The following SHOC1 variants were observed in gnomAD, a reference collection of about 807,000 sequenced individuals.
SHOC1 encodes protein shortage in chiasmata 1 ortholog.
Under a neutral mutation model 179.2 loss-of-function variants are expected in SHOC1, and 136 were observed. The ratio of observed to expected loss-of-function variants is 0.76; its 90% CI spans 0.66 to 0.87. The LOEUF (loss-of-function observed/expected upper bound fraction) is 0.87, where lower values mean the gene tolerates loss of function less well. Ranked by LOEUF, SHOC1 falls within the 40% of genes least tolerant of loss-of-function variation. The pLI, the probability that SHOC1 is intolerant of heterozygous loss-of-function variation, is 0.00. For synonymous variants in SHOC1, 489 were observed against 586.6 expected (o/e 0.83, Z 2.41); for missense variants, 1,538 against 1,700.8 (o/e 0.90, Z 1.68).
chr9:111,717,998 A>T (rs913485624), intron 16 of SHOC1, among the ~76,000 whole-genome samples, 186 bp downstream of exon 16: 3 of 152,236 alleles, frequency 2.0e-5, no homozygotes, highest in African/African-American at 4.8e-5. Flanking sequence ...ATTTCTTTTA[A>T]TGAATACAAG....
intron 18 of SHOC1, among the ~76,000 whole-genome samples, chr9:111,709,687 C>T (rs555492184): frequency 3.5e-4 from 53 of 152,176 alleles, no homozygotes; most frequent in Admixed American, 1.7e-3. Context: ...CCCAGATATG[C>T]GATACAGAGT....
intron 18 of SHOC1, among the ~76,000 whole-genome samples, chr9:111,711,146 T>C (rs1832524312): frequency 6.6e-6 from 1 of 152,060 alleles, no homozygotes; most frequent in South Asian, 2.1e-4. Context: ...TTCATTTCTA[T>C]AGAGAAAAGA....
chr9:111,791,300 C>T (rs1347169270), intron 2 of SHOC1, 74 bp downstream of exon 2: 1 of 769,928 alleles, frequency 1.3e-6, no homozygotes. Flanking sequence ...GGATACTCAA[C>T]CTATATTGAA....
At chr9:111,693,325 CT>C (rs1831529561) in intron 26 of SHOC1, among the ~76,000 whole-genome samples, 1 of 145,062 alleles carries the variant, frequency 6.9e-6, no homozygotes, top group African/African-American at 2.6e-5. Context: ...GAAAAAAATA[CT>C]GTAATCCCAG....
In SHOC1 at chr9:111,692,400, G is replaced by T; in HGVS notation, c.3577C>A (p.Gln1193Lys). ...GAGTCTAAATCAGAAGCTGAACTTTGAGAAGACAAGGTACTAATCTGATTC... is the reference window on the plus strand; with the variant it reads ...GAGTCTAAATCAGAAGCTGAACTTTTAGAAGACAAGGTACTAATCTGATTC... ...NRNQISTLSS[Q>K]SSASDLDSVI... The change falls in exon 27 of 28, where the codon CAA (glutamine) becomes AAA (lysine). Residue 1193 changes from glutamine (Q) to lysine (K), a missense_variant. Gln to Lys is a moderately conservative substitution (Grantham distance 53, BLOSUM62 1). Coordinates refer to ENST00000682961, the MANE Select transcript of SHOC1 (RefSeq NM_001378211.1). 6.2e-7 allele frequency: 1 copy of T among 1,613,552 alleles called. No homozygotes were observed. Among genetic ancestry groups the T allele is most frequent in the South Asian group, 1.1e-5 (1 of 91,038 alleles).
At chr9:111,775,757 A>C (rs1835806362) in intron 5 of SHOC1, 34 bp downstream of exon 5, 3 of 1,553,210 alleles carry the variant, frequency 1.9e-6, no homozygotes, top group African/African-American at 1.4e-5. Flanking sequence ...ATCAGTAAGA[A>C]ATGTTTTACA....
chr9:111,782,530 T>G (rs2131637218), intron 3 of SHOC1, among the ~76,000 whole-genome samples: 2 of 152,168 alleles, frequency 1.3e-5, no homozygotes, highest in African/African-American at 4.8e-5. Flanking sequence ...GAACAACCCC[T>G]ACTCTACACT....
At chr9:111,725,898 T>C (rs113863009) in intron 13 of SHOC1, among the ~76,000 whole-genome samples, 195 of 152,300 alleles carry the variant, frequency 1.3e-3, no homozygotes, top group African/African-American at 4.3e-3. Context: ...TTTCCCTCAC[T>C]TTCTGTTGAT....
intron 5 of SHOC1, 92 bp downstream of exon 5, chr9:111,775,699 T>A (rs1300109669): frequency 1.0e-5 from 11 of 1,096,656 alleles, no homozygotes; most frequent in Middle Eastern, 2.1e-4. Flanking sequence ...TAATAAAAAA[T>A]TTTTTATTCA....
At chr9:111,782,993 C>T (rs1182866201) in intron 3 of SHOC1, among the ~76,000 whole-genome samples, 1 of 152,218 alleles carries the variant, frequency 6.6e-6, no homozygotes, top group East Asian at 1.9e-4. Flanking sequence ...ACTAACTTCT[C>T]TAACTGTGCT....
intron 27 of SHOC1, among the ~76,000 whole-genome samples, chr9:111,690,488 TAAAG>T (rs1831378561): frequency 6.6e-6 from 1 of 151,996 alleles, no homozygotes; most frequent in African/African-American, 2.4e-5. Flanking sequence ...AATATAAAAA[TAAAG>T]AATCACCCCT....
At chr9:111,768,772 C>T (rs534565769) in intron 5 of SHOC1, among the ~76,000 whole-genome samples, 1 of 152,258 alleles carries the variant, frequency 6.6e-6, no homozygotes, top group Admixed American at 6.5e-5. Context: ...TGCTCAATTG[C>T]TCTGGCCAGG....
intron 5 of SHOC1, among the ~76,000 whole-genome samples, chr9:111,770,220 A>G (rs1338160000): frequency 6.6e-6 from 1 of 151,246 alleles, no homozygotes; most frequent in African/African-American, 2.4e-5. Context: ...GGTATGTTTT[A>G]TTTCCATTTT....
intron 22 of SHOC1, among the ~76,000 whole-genome samples, chr9:111,703,427 T>C (rs1314683837): frequency 6.6e-6 from 1 of 152,150 alleles, no homozygotes; most frequent in Admixed American, 6.5e-5. Flanking sequence ...TTCCAAACTA[T>C]ATGAATTTTT....
intron 27 of SHOC1, among the ~76,000 whole-genome samples, chr9:111,690,878 T>C (rs991898867): frequency 6.6e-6 from 1 of 152,206 alleles, no homozygotes; most frequent in Non-Finnish European, 1.5e-5. Flanking sequence ...GTTTGAAACT[T>C]AAGCTTCCCC....
chr9:111,727,136 C>A (rs867455282), intron 13 of SHOC1, among the ~76,000 whole-genome samples: 18 of 152,042 alleles, frequency 1.2e-4, no homozygotes, highest in Admixed American at 2.6e-4. Flanking sequence ...ATTATATTAC[C>A]TTTGATGTGG....
intron 5 of SHOC1, among the ~76,000 whole-genome samples, chr9:111,767,221 T>G (rs1159606748): frequency 2.1e-5 from 3 of 146,232 alleles, no homozygotes; most frequent in African/African-American, 7.6e-5. Flanking sequence ...TATTTTTGCT[T>G]TGGTGGCCTC....
At chr9:111,745,987 T>C (rs1007601790) in intron 10 of SHOC1, among the ~76,000 whole-genome samples, 1 of 152,244 alleles carries the variant, frequency 6.6e-6, no homozygotes, top group African/African-American at 2.4e-5. Flanking sequence ...CTAGGTTACC[T>C]AGTTCTTTTC....
At chr9:111,757,776 C>G (rs1834936065) in intron 7 of SHOC1, among the ~76,000 whole-genome samples, 1 of 152,126 alleles carries the variant, frequency 6.6e-6, no homozygotes, top group South Asian at 2.1e-4. Context: ...TTTCCTATAC[C>G]AGGTATATTG....
Sources: gnomAD v4.1 joint callset for allele counts (sites outside exome capture counted in the v4.1 genomes callset) on GRCh38, gnomAD v4.1.1 for gene constraint, MANE v1.5 for transcripts, NCBI Gene and HGNC (gene_info 2026-07-23, HGNC 2026-07-21) for gene names.